RYR2: variants seen among roughly 807,000 people sequenced by gnomAD.
RYR2 encodes ryanodine receptor 2, also known as cardiac muscle ryanodine receptor-calcium release channel.
RYR2 carries 227 observed loss-of-function variants against 601.1 expected under a neutral mutation model. The ratio of observed to expected loss-of-function variants is 0.38; its 90% CI spans 0.34 to 0.42. RYR2 has a LOEUF of 0.42. Ranked by LOEUF, RYR2 falls within the 10% of genes least tolerant of loss-of-function variation. The pLI is 1.00. For missense variants in RYR2, 4,646 were observed against 6,156.5 expected, an observed-to-expected ratio of 0.75 and a Z score of 8.21; for synonymous variants, 2,223 against 2,175.1, an observed-to-expected ratio of 1.02 and a Z score of -0.61.
In RYR2 at chr1:237,143,644, T is replaced by C. The variant is rs73119310; in HGVS notation, c.48+101075T>C. Among the ~76,000 whole-genome samples the C allele has an allele frequency of 6.7e-3, 1,020 of 152,216 alleles. 9 individuals carry two copies. The highest frequency in any genetic ancestry group is 0.023 in the African/African-American group (962 of 41,506). ...TTTTCACCCCATGCCTGTCTTGCTT[T>C]GTCCACACCCTCACTAGCCTCCTAG... On this transcript the variant is annotated intron_variant, in intron 1 of 104. Coordinates refer to ENST00000366574, the MANE Select transcript of RYR2 (RefSeq NM_001035.3).
intron 1 of RYR2, among the ~76,000 whole-genome samples, chr1:237,104,013 T>G (rs1322448193): frequency 6.6e-6 from 1 of 151,660 alleles, no homozygotes; most frequent in South Asian, 2.1e-4. Flanking sequence ...CGGGCTGAAG[T>G]TCCTCACGTG....
Position 237,506,762 on chromosome 1 carries a change from T to C in RYR2, c.2666T>C (p.Ile889Thr), listed in dbSNP as rs778215178. Residue 889 changes from isoleucine (I) to threonine (T), a missense_variant, in exon 23 of 105, where the codon ATC becomes ACC. Around this residue, in one of 17 missense-constraint regions of RYR2, gnomAD observed 1,807 missense variants for 2,088.1 expected, o/e 0.87. Transcript: ENST00000366574. Reference sequence around the variant, plus strand: ...ATAAGAGAAAAACTGGCAGAGAATATCCATGAACTCTGGGTTATGAATAAA... The same window carrying C: ...ATAAGAGAAAAACTGGCAGAGAATACCCATGAACTCTGGGTTATGAATAAA... The part of the protein sequence containing the change: ...ERIREKLAEN[I>T]HELWVMNKIE... 2 of 1,613,844 alleles carry C rather than the reference T, an allele frequency of 1.2e-6. No homozygotes were observed. Among genetic ancestry groups the C allele is most frequent in the African/African-American group, 1.3e-5 (1 of 75,040 alleles).
At chr1:237,255,674 A>G (rs1687888370) in intron 1 of RYR2, among the ~76,000 whole-genome samples, 1 of 152,166 alleles carries the variant, frequency 6.6e-6, no homozygotes, top group Non-Finnish European at 1.5e-5. Context: ...TAGACAATAG[A>G]TGGGATCTAT....
intron 39 of RYR2, 87 bp from the exon 40 acceptor site, chr1:237,625,574 C>T: frequency 7.5e-7 from 1 of 1,339,590 alleles, no homozygotes. Context: ...CTAAGTTGTG[C>T]ATGAAAGAAA....
intron 35 of RYR2, among the ~76,000 whole-genome samples, chr1:237,605,947 G>T (rs1294276303): frequency 2.6e-5 from 4 of 151,582 alleles, no homozygotes; most frequent in African/African-American, 9.7e-5. Context: ...AACATTCCAT[G>T]CTCATGGGTA....
intron 1 of RYR2, among the ~76,000 whole-genome samples, chr1:237,077,796 C>T (rs1202181141): frequency 6.6e-6 from 1 of 152,244 alleles, no homozygotes; most frequent in Admixed American, 6.5e-5. Flanking sequence ...TCTACAGAAC[C>T]ATCCACCCCA....
intron 10 of RYR2, among the ~76,000 whole-genome samples, chr1:237,389,943 GC>G (rs1312282868): frequency 1.3e-5 from 2 of 152,254 alleles, no homozygotes; most frequent in East Asian, 3.9e-4. Context: ...ATTGGGCATG[GC>G]CTTATGAAGG....
Position 237,217,234 on chromosome 1 carries a change from T to C in RYR2, c.49-53263T>C, listed in dbSNP as rs115659895. Among the ~76,000 whole-genome samples the C allele has an allele frequency of 5.5e-3, 841 of 152,314 alleles. 7 individuals are homozygous for C. The highest frequency in any genetic ancestry group is 0.034 in the Middle Eastern group (10 of 294). ...TTGTAACATCATTGCATTATTATAA[T>C]GTAACCTTTCCCTGCTCGATGACTC... On this transcript the variant is annotated intron_variant, in intron 1 of 104. Coordinates refer to ENST00000366574, the MANE Select transcript of RYR2 (RefSeq NM_001035.3).
intron 62 of RYR2, among the ~76,000 whole-genome samples, chr1:237,682,090 G>A (rs1040062405): frequency 3.3e-5 from 5 of 152,064 alleles, no homozygotes; most frequent in Admixed American, 6.5e-5. Context: ...TCTCCATTCA[G>A]TTTCAGCCTT....
At chr1:237,393,775 CAAACTT>C (rs1365086741) in intron 10 of RYR2, among the ~76,000 whole-genome samples, 1 of 152,178 alleles carries the variant, frequency 6.6e-6, no homozygotes, top group Non-Finnish European at 1.5e-5. Flanking sequence ...CTTTTTACCC[CAAACTT>C]AAACTCCTTG....
chr1:237,478,732 G>A (rs947942246), intron 17 of RYR2, among the ~76,000 whole-genome samples: 1 of 152,226 alleles, frequency 6.6e-6, no homozygotes, highest in East Asian at 1.9e-4. Flanking sequence ...CTGAGACATG[G>A]TGAAATTGTC....
In RYR2 at chr1:237,311,915, A is replaced by G. The variant is rs570335702; in HGVS notation, c.169-18963A>G. Among the ~76,000 whole-genome samples, 30 of 152,318 alleles carry G rather than the reference A, an allele frequency of 2.0e-4. 1 individual carries two copies. The South Asian group carries it at 5.4e-3, about 27-fold the overall frequency. Reference sequence around the variant, plus strand: ...CTGAGAAACCATATTATCACATGCTATATTGCAGTTCTATGTCAGTAAATA... The same window carrying G: ...CTGAGAAACCATATTATCACATGCTGTATTGCAGTTCTATGTCAGTAAATA... On this transcript the variant is annotated intron_variant, in intron 2 of 104. Coordinates refer to ENST00000366574, the MANE Select transcript of RYR2 (RefSeq NM_001035.3).
Position 237,658,019 on chromosome 1 carries a change from C to G in RYR2, c.8205C>G (p.Asp2735Glu). ...AEHSHDKWSMDKLANGWIYGE... is the reference protein window; with the variant it reads ...AEHSHDKWSMEKLANGWIYGE... ...ACTCCCATGACAAATGGTCAATGGA[C>G]AAGGTAAAAAGAGTATTACATTCTA... Residue 2735 changes from aspartate to glutamate, a missense_variant, in exon 54 of 105, where the codon GAC becomes GAG. By Grantham distance (45) the Asp-to-Glu change is conservative. Coordinates refer to ENST00000366574, the MANE Select transcript of RYR2 (RefSeq NM_001035.3). 6.7e-7 allele frequency: 1 copy of G among 1,483,978 alleles called. No individual in the cohort carries two copies. Among genetic ancestry groups the G allele is most frequent in the Admixed American group, 2.3e-5 (1 of 43,798 alleles). The allele number at this position is 1,483,978 out of a possible 1,614,324, so 91.9% of individuals were successfully genotyped here. A position where few individuals can be genotyped will look rare whatever the true frequency, so the allele number is the denominator to read the frequency against.
At chr1:237,295,769 T>C (rs375700041) in intron 2 of RYR2, among the ~76,000 whole-genome samples, 287 of 152,320 alleles carry the variant, frequency 1.9e-3, no homozygotes, top group African/African-American at 6.5e-3. Context: ...ATAAAATTCA[T>C]ACAGGTTTAG....
chr1:237,225,558 A>T (rs1026041966), intron 1 of RYR2, among the ~76,000 whole-genome samples: 2 of 152,328 alleles, frequency 1.3e-5, no homozygotes, highest in South Asian at 2.1e-4. Context: ...CTCCCACAAC[A>T]TGTGAGAATT....
At chr1:237,599,647 C>T (rs773291243) in intron 34 of RYR2, among the ~76,000 whole-genome samples, 72 of 151,830 alleles carry the variant, frequency 4.7e-4, no homozygotes, top group Non-Finnish European at 1.5e-4. Flanking sequence ...ATGGTGAAAC[C>T]TCGTCTCTAC....
Position 237,312,637 on chromosome 1 carries a change from C to T in RYR2, c.169-18241C>T, listed in dbSNP as rs571291986. ...AATATGTCACTGAAAATGATGTAAA[C>T]ACATCATGTATAAAATCTGTGACAT... On this transcript the variant is annotated intron_variant, in intron 2 of 104. Coordinates refer to ENST00000366574, the MANE Select transcript of RYR2 (RefSeq NM_001035.3). 2.3e-4 allele frequency among the ~76,000 whole-genome samples: 35 copies of T among 152,258 alleles called. 1 individual carries two copies. In the South Asian group the frequency reaches 7.1e-3, roughly 31 times the overall value.
chr1:237,237,082 C>T (rs1427294681), intron 1 of RYR2, among the ~76,000 whole-genome samples: 3 of 152,292 alleles, frequency 2.0e-5, no homozygotes, highest in East Asian at 3.9e-4. Context: ...CTCTCCCTCT[C>T]TCCTGCCGCC....
At chr1:237,182,508 C>T (rs1678890788) in intron 1 of RYR2, among the ~76,000 whole-genome samples, 1 of 152,160 alleles carries the variant, frequency 6.6e-6, no homozygotes, top group Admixed American at 6.5e-5. Context: ...TACTCTCCTG[C>T]TTTCCTTTAT....
Sources: allele counts gnomAD v4.1 joint callset (sites outside exome capture counted in the v4.1 genomes callset), GRCh38; gene constraint gnomAD v4.1.1; regional missense constraint gnomAD v4.1.1; transcripts MANE v1.5; gene names NCBI Gene and HGNC (gene_info 2026-07-23, HGNC 2026-07-21).